Variants in PALM2AKAP2 observed in about 807,000 individuals in gnomAD.
PALM2AKAP2 encodes the protein PALM2 and AKAP2 fusion, also known as PALM2-AKAP2 fusion protein.
A neutral mutation model predicts 71.5 loss-of-function variants in PALM2AKAP2; 37 were observed. That is an observed-to-expected ratio of 0.52 (90% confidence interval 0.40 to 0.68). PALM2AKAP2 has a LOEUF of 0.68. PALM2AKAP2 is among the 30% of genes least tolerant of loss of function. The probability of loss-of-function intolerance (pLI) is 0.00; values close to 1 mark genes in which losing one functional copy is unlikely to be tolerated. For synonymous variants in PALM2AKAP2, 468 were observed against 478.8 expected, an observed-to-expected ratio of 0.98 and a Z score of 0.29; for missense variants, 1,224 against 1,191.8, an observed-to-expected ratio of 1.03 and a Z score of -0.40.
intron 1 of PALM2AKAP2, among the ~76,000 whole-genome samples, chr9:109,862,387 C>T (rs1293619616): frequency 6.6e-6 from 1 of 152,176 alleles, no homozygotes; most frequent in Non-Finnish European, 1.5e-5. Flanking sequence ...AACTCTGCCT[C>T]CCTCTGCATG....
At chr9:110,003,665 A>G (rs1832723312) in intron 6 of PALM2AKAP2, among the ~76,000 whole-genome samples, 1 of 152,120 alleles carries the variant, frequency 6.6e-6, no homozygotes, top group African/African-American at 2.4e-5. Flanking sequence ...TGGGAGTCTA[A>G]GTCTCTTTAT....
At chr9:109,808,110 T>C (rs944815340) in intron 1 of PALM2AKAP2, among the ~76,000 whole-genome samples, 1 of 152,192 alleles carries the variant, frequency 6.6e-6, no homozygotes, top group Non-Finnish European at 1.5e-5. Flanking sequence ...ATACAGTAAA[T>C]TGGTACTGGT....
intron 6 of PALM2AKAP2, chr9:109,944,242 C>G (rs1048987430): frequency 1.3e-5 from 2 of 152,064 alleles, no homozygotes; most frequent in Non-Finnish European, 2.9e-5. Flanking sequence ...AATTCACAAG[C>G]CTTGTTTCTA....
At chr9:110,132,328 G>A (rs1359929845) in intron 1 of PALM2AKAP2, among the ~76,000 whole-genome samples, 1 of 151,726 alleles carries the variant, frequency 6.6e-6, no homozygotes, top group Admixed American at 6.6e-5. Context: ...CCAAAGTGCT[G>A]GGATTACAGG....
chr9:109,720,077 C>T (rs1004132364), intron 1 of PALM2AKAP2, among the ~76,000 whole-genome samples: 1 of 152,052 alleles, frequency 6.6e-6, no homozygotes, highest in Non-Finnish European at 1.5e-5. Flanking sequence ...CAACCTCTGC[C>T]TCCTGGGTTC....
chr9:110,034,397 A>T (rs1245208558), intron 7 of PALM2AKAP2, among the ~76,000 whole-genome samples: 1 of 152,072 alleles, frequency 6.6e-6, no homozygotes. Flanking sequence ...ACCTCAGGTG[A>T]CCTGCTCGCC....
intron 6 of PALM2AKAP2, among the ~76,000 whole-genome samples, chr9:110,014,726 T>C (rs1463085329): frequency 1.4e-5 from 2 of 138,688 alleles, no homozygotes; most frequent in African/African-American, 2.7e-5. Context: ...TGAGCCAAGA[T>C]TGCACCACTG....
At chr9:110,056,535 G>A (rs1833845338) in intron 1 of PALM2AKAP2, among the ~76,000 whole-genome samples, 1 of 152,200 alleles carries the variant, frequency 6.6e-6, no homozygotes, top group East Asian at 1.9e-4. Context: ...TGTGCCATGT[G>A]CTGTGTGATT....
intron 1 of PALM2AKAP2, among the ~76,000 whole-genome samples, chr9:109,712,308 G>C (rs988729743): frequency 6.6e-5 from 10 of 152,184 alleles, no homozygotes; most frequent in Admixed American, 1.3e-4. Flanking sequence ...TGACAAAAGA[G>C]AAGATTAACC....
chr9:110,001,951 C>T (rs1832689429), intron 6 of PALM2AKAP2, among the ~76,000 whole-genome samples: 1 of 152,180 alleles, frequency 6.6e-6, no homozygotes, highest in South Asian at 2.1e-4. Flanking sequence ...ACAATCATGT[C>T]ATCTGCAAAC....
intron 1 of PALM2AKAP2, among the ~76,000 whole-genome samples, chr9:109,720,054 T>A (rs1334160927): frequency 6.6e-6 from 1 of 151,972 alleles, no homozygotes; most frequent in African/African-American, 2.4e-5. Context: ...AGTGGCGTGA[T>A]CTCCGCTCAC....
intron 1 of PALM2AKAP2, among the ~76,000 whole-genome samples, chr9:109,801,648 T>G (rs760785285): frequency 1.6e-4 from 24 of 152,076 alleles, no homozygotes; most frequent in Non-Finnish European, 2.6e-4. Flanking sequence ...GATGGGTCAT[T>G]CTGAAAGCTG....
intron 6 of PALM2AKAP2, among the ~76,000 whole-genome samples, chr9:110,014,631 G>A (rs1038751549): frequency 6.6e-6 from 1 of 150,700 alleles, no homozygotes; most frequent in Non-Finnish European, 1.5e-5. Flanking sequence ...AAATTAGCTG[G>A]GTGTGGTGGC....
intron 6 of PALM2AKAP2, among the ~76,000 whole-genome samples, chr9:109,996,187 A>G (rs1832571944): frequency 6.6e-6 from 1 of 152,200 alleles, no homozygotes; most frequent in Non-Finnish European, 1.5e-5. Flanking sequence ...TTTATGTCAC[A>G]TTTTTAGGGA....
chr9:109,887,969 A>G (rs1434169599), intron 3 of PALM2AKAP2, among the ~76,000 whole-genome samples: 1 of 152,172 alleles, frequency 6.6e-6, no homozygotes, highest in Non-Finnish European at 1.5e-5. Flanking sequence ...CATCAGACGC[A>G]CCATGACTCT....
chr9:109,778,502 A>G (rs536985058), upstream of PALM2AKAP2, among the ~76,000 whole-genome samples: 4 of 152,350 alleles, frequency 2.6e-5, no homozygotes, highest in East Asian at 7.7e-4. Flanking sequence ...CTTAGCCAGA[A>G]AGTAGAAGTT....
intron 1 of PALM2AKAP2, among the ~76,000 whole-genome samples, chr9:109,861,224 C>T (rs1404438755): frequency 6.6e-6 from 1 of 152,208 alleles, no homozygotes. Context: ...GGGACACCCA[C>T]CTTGTCCACA....
chr9:109,651,818 C>T (rs982878097), intron 1 of PALM2AKAP2, among the ~76,000 whole-genome samples: 1 of 152,066 alleles, frequency 6.6e-6, no homozygotes, highest in Non-Finnish European at 1.5e-5. Context: ...AATTTGATGC[C>T]TTAGAGGGAA....
At chr9:109,833,282 G>A (rs995018087) in intron 1 of PALM2AKAP2, among the ~76,000 whole-genome samples, 1 of 152,178 alleles carries the variant, frequency 6.6e-6, no homozygotes, top group Non-Finnish European at 1.5e-5. Context: ...TTGAACCTGG[G>A]AGGCGGAAGT....
Sources: gnomAD v4.1 joint callset for allele counts (sites outside exome capture counted in the v4.1 genomes callset) on GRCh38, gnomAD v4.1.1 for gene constraint, MANE v1.5 for transcripts, NCBI Gene and HGNC (gene_info 2026-07-23, HGNC 2026-07-21) for gene names.